The following DSCAM variants were observed in gnomAD, a reference collection of about 807,000 sequenced individuals.
DSCAM encodes cell adhesion molecule DSCAM.
DSCAM carries 47 observed loss-of-function variants against 217.7 expected under a neutral mutation model. The observed-to-expected ratio is 0.22, with a 90% CI of 0.17 to 0.28. The LOEUF (loss-of-function observed/expected upper bound fraction) is 0.28, where lower values mean the gene tolerates loss of function less well. DSCAM is among the 10% of genes least tolerant of loss of function. The pLI, the probability that DSCAM is intolerant of heterozygous loss-of-function variation, is 1.00. For missense variants in DSCAM, 2,080 were observed against 2,618.3 expected (o/e 0.79, Z 4.49); for synonymous variants, 1,056 against 1,015.3 (o/e 1.04, Z -0.76).
chr21:40,487,063 C>T (rs564507547), intron 3 of DSCAM, among the ~76,000 whole-genome samples: 1 of 152,200 alleles, frequency 6.6e-6, no homozygotes, highest in East Asian at 1.9e-4. Flanking sequence ...GAGAATAAGA[C>T]CATGAGGAAC....
rs1474457985 is a variant in DSCAM at position 40,144,756 on chromosome 21, C to T, written c.3019-25G>A. 3 of 1,613,188 alleles carry T rather than the reference C, an allele frequency of 1.9e-6. No homozygotes were observed. Among genetic ancestry groups the T allele is most frequent in the Non-Finnish European group, 2.5e-6 (3 of 1,179,692 alleles). On this transcript the variant is annotated intron_variant, in intron 16 of 32. Transcript: ENST00000400454. The surrounding 1 kb of genome is among the most constrained non-coding windows in gnomAD (Gnocchi z 4.8). The stretch of plus-strand genomic sequence containing the variant: ...CCTAAACAGGAGAGAAAAGAACACA[C>T]TAAAGAAGTCTTGAGGTAGGACAAG...
Position 40,420,484 on chromosome 21 carries a change from T to A in DSCAM, c.509-51239A>T, listed in dbSNP as rs80211795. Among the ~76,000 whole-genome samples the A allele has an allele frequency of 7.8e-3, 1,184 of 152,252 alleles. 12 individuals carry two copies. The highest frequency in any genetic ancestry group is 0.025 in the African/African-American group (1,029 of 41,556). On this transcript the variant is annotated intron_variant, in intron 3 of 32. Coordinates refer to ENST00000400454, the MANE Select transcript of DSCAM (RefSeq NM_001389.5). ...GAAAACTGAGGGAATCAAGTCAAAC[T>A]TTATGGAGCAAGCAGGAAGGTCAGG...
chr21:40,099,567 G>A (rs2146606145), intron 20 of DSCAM, among the ~76,000 whole-genome samples: 1 of 152,238 alleles, frequency 6.6e-6, no homozygotes, highest in East Asian at 1.9e-4. Context: ...GTTGATAACT[G>A]AACAATTTAA....
At chr21:40,229,339 T>C (rs1185972318) in intron 11 of DSCAM, among the ~76,000 whole-genome samples, 3 of 152,240 alleles carry the variant, frequency 2.0e-5, no homozygotes, top group Non-Finnish European at 4.4e-5. Flanking sequence ...ACCTCTTAAA[T>C]GCTTTTTTTG....
intron 16 of DSCAM, among the ~76,000 whole-genome samples, chr21:40,154,370 C>T (rs1209246787): frequency 6.6e-6 from 1 of 152,042 alleles, no homozygotes. Flanking sequence ...CCTTCCACTT[C>T]AGCCTCCTGA....
intron 11 of DSCAM, among the ~76,000 whole-genome samples, chr21:40,220,496 A>G (rs2091280563): frequency 6.6e-6 from 1 of 152,236 alleles, no homozygotes; most frequent in African/African-American, 2.4e-5. Flanking sequence ...TTGGTATTCA[A>G]GAGATAAATT....
intron 4 of DSCAM, among the ~76,000 whole-genome samples, chr21:40,361,447 T>A (rs1178838356): frequency 6.6e-6 from 1 of 152,084 alleles, no homozygotes; most frequent in East Asian, 1.9e-4. Context: ...GGTGAAACCC[T>A]GTCTCTACTA....
intron 1 of DSCAM, among the ~76,000 whole-genome samples, chr21:40,769,071 T>C (rs1408041224): frequency 1.3e-5 from 2 of 152,152 alleles, no homozygotes; most frequent in African/African-American, 2.4e-5. Context: ...ATTAATCCAC[T>C]AGAGTCTAGA....
At chr21:40,715,403 A>G (rs112124237) in intron 1 of DSCAM, among the ~76,000 whole-genome samples, 20 of 152,314 alleles carry the variant, frequency 1.3e-4, no homozygotes, top group African/African-American at 4.6e-4. Flanking sequence ...AGTTGGGGCT[A>G]TGGCTAAGCT....
At chr21:40,845,832 G>A (rs760355311) in intron 1 of DSCAM, among the ~76,000 whole-genome samples, 1 of 152,116 alleles carries the variant, frequency 6.6e-6, no homozygotes, top group Non-Finnish European at 1.5e-5. Context: ...GCGGTGACAG[G>A]CAGCCTAAGG....
chr21:40,243,608 G>A (rs975557416), intron 11 of DSCAM, among the ~76,000 whole-genome samples: 7 of 152,158 alleles, frequency 4.6e-5, no homozygotes, highest in Admixed American at 2.0e-4. Context: ...TGACTGCACC[G>A]TTTGCTCCCC....
chr21:40,600,233 G>A (rs1266238920), intron 3 of DSCAM, among the ~76,000 whole-genome samples: 4 of 152,224 alleles, frequency 2.6e-5, no homozygotes, highest in South Asian at 2.1e-4. Context: ...CCATCAACTG[G>A]GTAATTTATG....
chr21:40,323,821 G>A (rs1295520311), intron 8 of DSCAM, among the ~76,000 whole-genome samples: 5 of 151,938 alleles, frequency 3.3e-5, no homozygotes, highest in Non-Finnish European at 5.9e-5. Flanking sequence ...CGAAGTAAGG[G>A]GGCTGGGTGC....
chr21:40,353,522 A>T lies in DSCAM; in HGVS notation c.877T>A (p.Cys293Ser). The change falls in exon 5 of 33, where the codon TGT becomes AGT. Residue 293 changes from cysteine to serine, a missense_variant. By Grantham distance (112) the Cys-to-Ser change is moderately radical. Around this residue, in one of 5 missense-constraint regions of DSCAM, gnomAD observed 568 missense variants for 678.1 expected, o/e 0.84. Transcript: ENST00000400454. Reference protein sequence around the residue: ...IRPSDSGSYVCEVSNRYGTAK... With the variant: ...IRPSDSGSYVSEVSNRYGTAK... ...GTTCCGTATCTGTTGGACACTTCAC[A>T]AACATAGCTGCCTGAGTCCGAGGGG... The T allele has an allele frequency of 6.2e-7, 1 of 1,612,470 alleles. No homozygotes were observed. The highest frequency in any genetic ancestry group is 8.5e-7 in the Non-Finnish European group (1 of 1,179,414).
intron 11 of DSCAM, among the ~76,000 whole-genome samples, chr21:40,210,438 C>T (rs943011825): frequency 6.6e-6 from 1 of 152,230 alleles, no homozygotes; most frequent in African/African-American, 2.4e-5. Context: ...TAGCTTCTGG[C>T]CATGTTGTGA....
At chr21:40,562,719 G>A (rs1263298572) in intron 3 of DSCAM, among the ~76,000 whole-genome samples, 1 of 152,146 alleles carries the variant, frequency 6.6e-6, no homozygotes, top group Non-Finnish European at 1.5e-5. Flanking sequence ...CTATGTGTAT[G>A]AGCCTGGGAA....
At chr21:40,571,716 T>A (rs1008310858) in intron 3 of DSCAM, among the ~76,000 whole-genome samples, 34 of 152,234 alleles carry the variant, frequency 2.2e-4, no homozygotes, top group African/African-American at 8.2e-4. Flanking sequence ...AAGCACATAT[T>A]AAAGGTTGAG....
intron 11 of DSCAM, among the ~76,000 whole-genome samples, chr21:40,257,880 T>C (rs975126617): frequency 6.6e-6 from 1 of 152,176 alleles, no homozygotes; most frequent in Non-Finnish European, 1.5e-5. Context: ...TAATGCAGTT[T>C]ATGGCTACAG....
chr21:40,353,429 G>A, intron 5 of DSCAM, 36 bp downstream of exon 5: 1 of 1,584,496 alleles, frequency 6.3e-7, no homozygotes, highest in Non-Finnish European at 8.5e-7. Context: ...ATCGATGGAA[G>A]CCAACACCAC....
Sources: allele counts gnomAD v4.1 joint callset (sites outside exome capture counted in the v4.1 genomes callset), GRCh38; gene constraint gnomAD v4.1.1; regional missense constraint gnomAD v4.1.1; non-coding constraint Gnocchi (gnomAD v3.1); transcripts MANE v1.5; gene names NCBI Gene and HGNC (gene_info 2026-07-23, HGNC 2026-07-21).